The following ZNF462 variants were observed in gnomAD, a reference collection of about 807,000 sequenced individuals.
ZNF462 encodes zinc finger protein 462, also known as zinc finger PBX1-interacting protein.
In ZNF462, 10 loss-of-function variants were observed where a neutral mutation model predicts 201.9. The ratio of observed to expected loss-of-function variants is 0.05; its 90% CI spans 0.03 to 0.08. ZNF462 has a LOEUF of 0.08. ZNF462 is among the 10% of genes least tolerant of loss of function. ZNF462 has a pLI of 1.00. For synonymous variants in ZNF462, 1,227 were observed against 1,193.3 expected (o/e 1.03, Z -0.58); for missense variants, 2,523 against 3,168.3 (o/e 0.80, Z 4.89).
In ZNF462 at chr9:106,925,397, A is replaced by G. The variant is rs141501264; in HGVS notation, c.1485A>G (p.Thr495=). The G allele has an allele frequency of 1.6e-4, 252 of 1,614,228 alleles. 1 individual carries two copies. In the Middle Eastern group the frequency reaches 1.8e-3, roughly 12 times the overall value. The part of the protein sequence containing the change: ...LGAHKQCHTG[T]TSDWDAVNSQ... ...CTCACAAACAGTGTCACACGGGTAC[A>G]ACGTCAGATTGGGATGCTGTGAATT... The change falls in exon 3 of 13, where the codon ACA becomes ACG. Residue 495 remains threonine, a synonymous_variant. Coordinates refer to ENST00000277225, the MANE Select transcript of ZNF462 (RefSeq NM_021224.6). The surrounding 1 kb of genome is among the most constrained non-coding windows in gnomAD (Gnocchi z 7.9).
Position 106,924,575 on chromosome 9 carries a change from A to G in ZNF462, c.663A>G (p.Ala221=), listed in dbSNP as rs748920191. The G allele has an allele frequency of 6.2e-7, 1 of 1,614,218 alleles. No individual in the cohort carries two copies. The highest frequency in any genetic ancestry group is 1.1e-5 in the South Asian group (1 of 91,074). Residue 221 remains alanine (A), a synonymous_variant, in exon 3 of 13, where the codon GCA becomes GCG. Coordinates refer to ENST00000277225, the MANE Select transcript of ZNF462 (RefSeq NM_021224.6). This position sits in a 1 kb window ranked among gnomAD's most constrained non-coding sequence, Gnocchi z 6.2. The part of the protein sequence containing the change: ...SLQDPCKELP[A]EVVERSILES... ...AGGACCCCTGCAAGGAACTGCCAGC[A>G]GAGGTTGTGGAGCGCAGCATCTTAG... is the stretch of plus-strand genomic sequence containing the variant.
intron 9 of ZNF462, chr9:106,975,461 G>A (rs1475056719): frequency 2.0e-5 from 3 of 152,232 alleles, no homozygotes; most frequent in African/African-American, 7.2e-5. Context: ...CTCAATGGAA[G>A]GCTGGACATT....
Position 106,926,040 on chromosome 9 carries a change from A to G in ZNF462, c.2128A>G (p.Thr710Ala). Reference sequence around the variant, plus strand: ...CAACCTTCAGAGCAAAATTAACCAAACCAAACAGCAGGAAGATGCAGTGAT... The same window carrying G: ...CAACCTTCAGAGCAAAATTAACCAAGCCAAACAGCAGGAAGATGCAGTGAT... ...ASNLQSKINQ[T>A]KQQEDAVINV... The change falls in exon 3 of 13, where the codon ACC becomes GCC. Residue 710 changes from threonine to alanine, a missense_variant. Transcript: ENST00000277225. This position sits in a 1 kb window ranked among gnomAD's most constrained non-coding sequence, Gnocchi z 7.9. The G allele has an allele frequency of 6.2e-7, 1 of 1,614,180 alleles. No homozygotes were observed. The highest frequency in any genetic ancestry group is 8.5e-7 in the Non-Finnish European group (1 of 1,180,030).
intron 1 of ZNF462, among the ~76,000 whole-genome samples, chr9:106,878,773 A>T (rs1176042644): frequency 6.6e-6 from 1 of 152,186 alleles, no homozygotes; most frequent in African/African-American, 2.4e-5. Flanking sequence ...GTATATATTT[A>T]CAATATAATC....
chr9:106,985,176 G>A (rs1329609116), intron 10 of ZNF462, among the ~76,000 whole-genome samples: 1 of 152,172 alleles, frequency 6.6e-6, no homozygotes, highest in African/African-American at 2.4e-5. Context: ...TACAAAGACA[G>A]GCAACAGGCT....
intron 1 of ZNF462, among the ~76,000 whole-genome samples, chr9:106,873,074 C>A (rs1015701107): frequency 2.6e-5 from 4 of 152,102 alleles, no homozygotes; most frequent in African/African-American, 9.7e-5. Flanking sequence ...GGGACCCGGC[C>A]TTGGTTATTA....
rs758226060 is a variant in ZNF462 at position 106,925,264 on chromosome 9, G to A, written c.1352G>A (p.Arg451Gln). 1 of 1,614,076 alleles carries A rather than the reference G, an allele frequency of 6.2e-7. No homozygotes were observed. The highest frequency in any genetic ancestry group is 8.5e-7 in the Non-Finnish European group (1 of 1,180,026). ...CPFCPFLTMH[R>Q]RSISRHIENI... ...TTTTGTCCTTTCCTCACCATGCATC[G>A]ACGTAGCATCTCTCGTCACATAGAA... The change falls in exon 3 of 13, where the codon CGA (arginine) becomes CAA (glutamine). Residue 451 changes from arginine to glutamine, a missense_variant. Coordinates refer to ENST00000277225, the MANE Select transcript of ZNF462 (RefSeq NM_021224.6). This position sits in a 1 kb window ranked among gnomAD's most constrained non-coding sequence, Gnocchi z 7.9.
At position 106,905,939 on chromosome 9, in the gene ZNF462, A is replaced by T. The variant is rs751229445; in HGVS notation, c.-30-17415A>T. Among the ~76,000 whole-genome samples, 1 of 152,080 alleles carries T rather than the reference A, an allele frequency of 6.6e-6. No individual in the cohort carries two copies. Among genetic ancestry groups the T allele is most frequent in the Non-Finnish European group, 1.5e-5 (1 of 68,008 alleles). ...TTCTCACCACGTTTAAATTGTTACA[A>T]AGTTCAGCTACAGAGTTCCTTCTCC... is the stretch of plus-strand genomic sequence containing the variant. On this transcript the variant is annotated intron_variant, in intron 1 of 12. Coordinates refer to ENST00000277225, the MANE Select transcript of ZNF462 (RefSeq NM_021224.6). This position sits in a 1 kb window ranked among gnomAD's most constrained non-coding sequence, Gnocchi z 5.9.
intron 1 of ZNF462, among the ~76,000 whole-genome samples, chr9:106,908,926 T>TAC (rs1829399746): frequency 8.7e-5 from 3 of 34,492 alleles, no homozygotes; most frequent in Non-Finnish European, 1.6e-4. Flanking sequence ...TATATATATA[T>TAC]ATATATATAT....
rs1211958515 is a variant in ZNF462 at position 106,984,003 on chromosome 9, C to T, written c.6833-183C>T. ...GCTTTTGGTCTTAAAAACACCCACT[C>T]ATTCCTGAGGAATATGTTGTTTGGG... On this transcript the variant is annotated intron_variant, in intron 9 of 12. Coordinates refer to ENST00000277225, the MANE Select transcript of ZNF462 (RefSeq NM_021224.6). The surrounding 1 kb of genome is among the most constrained non-coding windows in gnomAD (Gnocchi z 6.4). Among the ~76,000 whole-genome samples, 1 of 152,160 alleles carries T rather than the reference C, an allele frequency of 6.6e-6. No homozygotes were observed. Among genetic ancestry groups the T allele is most frequent in the Non-Finnish European group, 1.5e-5 (1 of 68,032 alleles).
upstream of ZNF462, among the ~76,000 whole-genome samples, chr9:106,862,358 T>A (rs1010900738): frequency 6.6e-6 from 1 of 151,994 alleles, no homozygotes; most frequent in Non-Finnish European, 1.5e-5. This position sits in a 1 kb window ranked among gnomAD's most constrained non-coding sequence, Gnocchi z 4.2. Context: ...AGGGCTGACG[T>A]TGGGAGCGCT....
At chr9:106,916,894 A>G (rs1829795703) in intron 1 of ZNF462, among the ~76,000 whole-genome samples, 1 of 152,198 alleles carries the variant, frequency 6.6e-6, no homozygotes, top group Non-Finnish European at 1.5e-5. Flanking sequence ...GTGAACTGCA[A>G]GTTCCCCTTT....
Position 106,974,448 on chromosome 9 carries a change from C to G in ZNF462, c.6832+175C>G, listed in dbSNP as rs1045123328. 1.5e-5 allele frequency: 14 copies of G among 923,842 alleles called. No individual in the cohort carries two copies. The highest frequency in any genetic ancestry group is 1.5e-4 in the African/African-American group (9 of 61,624). The allele number at this position is 923,842 out of a possible 1,614,324, so 57.2% of individuals were successfully genotyped here. On this transcript the variant is annotated intron_variant, in intron 9 of 12. Coordinates refer to ENST00000277225, the MANE Select transcript of ZNF462 (RefSeq NM_021224.6). The surrounding 1 kb of genome is among the most constrained non-coding windows in gnomAD (Gnocchi z 4.0). ...ACAGCCAAAAGGGCAAAAACACCTT[C>G]CTGCTGGGAGTATTTCCTCCACCTG...
intron 1 of ZNF462, among the ~76,000 whole-genome samples, chr9:106,910,244 T>C (rs1423068027): frequency 1.3e-5 from 2 of 152,082 alleles, no homozygotes; most frequent in African/African-American, 4.8e-5. Context: ...TCTTCTTTCA[T>C]AGAATCTCTG....
chr9:106,961,527 T>C (rs1307303724), intron 7 of ZNF462, among the ~76,000 whole-genome samples: 1 of 151,288 alleles, frequency 6.6e-6, no homozygotes, highest in Non-Finnish European at 1.5e-5. Flanking sequence ...GTATTTTCAG[T>C]TTGTACTCTT....
Position 106,920,660 on chromosome 9 carries a change from C to T in ZNF462, c.-30-2694C>T, listed in dbSNP as rs1429310562. Among the ~76,000 whole-genome samples, 1 of 152,142 alleles carries T rather than the reference C, an allele frequency of 6.6e-6. No individual in the cohort carries two copies. The highest frequency in any genetic ancestry group is 2.4e-5 in the African/African-American group (1 of 41,436). ...TCTGATCTCATAACCCTTTAATCTC[C>T]TTTGTAGCAGAACAAGGAGATTGTT... On this transcript the variant is annotated intron_variant, in intron 1 of 12. Transcript: ENST00000277225. This position sits in a 1 kb window ranked among gnomAD's most constrained non-coding sequence, Gnocchi z 4.3.
At position 107,011,202 on chromosome 9, in the gene ZNF462, T is replaced by A; in HGVS notation, c.*172T>A. The A allele has an allele frequency of 1.7e-6, 1 of 596,224 alleles. No individual in the cohort carries two copies. Among genetic ancestry groups the A allele is most frequent in the South Asian group, 2.1e-5 (1 of 48,068 alleles). 36.9% of individuals were successfully genotyped at this position (596,224 alleles called of 1,614,324 possible). A position where few individuals can be genotyped will look rare whatever the true frequency, so the allele number is the denominator to read the frequency against. ...GTACCTGTGTGAGTGAGTATGTAAA[T>A]TAAAGTTATTTAAATGGTTGGAATA... is the stretch of plus-strand genomic sequence containing the variant. On this transcript the variant is annotated 3_prime_UTR_variant, in exon 13 of 13. Transcript: ENST00000277225. This position sits in a 1 kb window ranked among gnomAD's most constrained non-coding sequence, Gnocchi z 5.6.
In ZNF462 at chr9:106,925,623, C is replaced by G; in HGVS notation, c.1711C>G (p.Pro571Ala). 4 of 1,613,828 alleles carry G rather than the reference C, an allele frequency of 2.5e-6. No individual in the cohort carries two copies. Among genetic ancestry groups the G allele is most frequent in the Non-Finnish European group, 3.4e-6 (4 of 1,179,852 alleles). Residue 571 changes from proline (P) to alanine (A), a missense_variant, in exon 3 of 13, where the codon CCA becomes GCA. Physicochemically the swap from Pro to Ala is conservative, Grantham distance 27. Around this residue, in one of 15 missense-constraint regions of ZNF462, gnomAD observed 383 missense variants for 453.4 expected, o/e 0.84. Transcript: ENST00000277225. This position sits in a 1 kb window ranked among gnomAD's most constrained non-coding sequence, Gnocchi z 7.9. ...QQPQPPQLQP[P>A]HQVPPQPQTQ... ...GCCACAGCCACCACAGCTGCAGCCACCACATCAGGTGCCACCCCAGCCACA... is the reference window on the plus strand; with the variant it reads ...GCCACAGCCACCACAGCTGCAGCCAGCACATCAGGTGCCACCCCAGCCACA...
At position 106,927,788 on chromosome 9, in the gene ZNF462, A is replaced by G; in HGVS notation, c.3876A>G (p.Lys1292=). ...KHIKKDHPAL[K]ATVTSIMRWA... ...TCAAGAAAGACCACCCCGCCCTGAA[A>G]GCCACAGTCACGTCCATCATGCGAT... The change falls in exon 3 of 13, where the codon AAA becomes AAG. Residue 1292 remains lysine (K), a synonymous_variant. Transcript: ENST00000277225. 6.2e-7 allele frequency: 1 copy of G among 1,614,108 alleles called. No homozygotes were observed. The highest frequency in any genetic ancestry group is 8.5e-7 in the Non-Finnish European group (1 of 1,180,014).
Sources: gnomAD v4.1 joint callset for allele counts (sites outside exome capture counted in the v4.1 genomes callset) on GRCh38, gnomAD v4.1.1 for gene constraint, gnomAD v4.1.1 regional missense constraint, Gnocchi (gnomAD v3.1) non-coding constraint, MANE v1.5 for transcripts, NCBI Gene and HGNC (gene_info 2026-07-23, HGNC 2026-07-21) for gene names.